ZNF280D: variants seen among roughly 807,000 people sequenced by gnomAD.
The protein encoded by ZNF280D is suppressor of hairy wing homolog 4.
In ZNF280D, 39 loss-of-function variants were observed where a neutral mutation model predicts 94.7. The ratio of observed to expected loss-of-function variants is 0.41; its 90% CI spans 0.32 to 0.54. ZNF280D has a LOEUF of 0.54. Ranked by LOEUF, ZNF280D falls within the 20% of genes least tolerant of loss-of-function variation. The pLI is 0.22. For missense variants in ZNF280D, 1,090 were observed against 1,149.3 expected (o/e 0.95, Z 0.75); for synonymous variants, 398 against 377.6 (o/e 1.05, Z -0.63).
At chr15:56,647,098 T>C (rs2140603806) in intron 19 of ZNF280D, among the ~76,000 whole-genome samples, 1 of 152,324 alleles carries the variant, frequency 6.6e-6, no homozygotes, top group East Asian at 1.9e-4. Flanking sequence ...CTAAGAACTT[T>C]AATGCTAATA....
In ZNF280D at chr15:56,704,181, C is replaced by A. The variant is rs1328761857; in HGVS notation, c.115G>T (p.Asp39Tyr). The A allele has an allele frequency of 6.2e-7, 1 of 1,613,850 alleles. No homozygotes were observed. The highest frequency in any genetic ancestry group is 1.7e-5 in the Admixed American group (1 of 59,980). ...ACAAAGATTGGCTCATCATCATCGT[C>A]ATCCTCAACTTCTTTTACTTTCTTC... Reference protein sequence around the residue: ...WQKKVKEVEDDDDDEPIFVGE... With the variant: ...WQKKVKEVEDYDDDEPIFVGE... Residue 39 changes from aspartate to tyrosine, a missense_variant, in exon 4 of 22, where the codon GAC becomes TAC. Around this residue, in one of 3 missense-constraint regions of ZNF280D, gnomAD observed 386 missense variants for 372.0 expected, o/e 1.04. Coordinates refer to ENST00000267807, the MANE Select transcript of ZNF280D (RefSeq NM_017661.4).
In ZNF280D at chr15:56,631,578, T is replaced by C; in HGVS notation, c.2860A>G (p.Thr954Ala). The C allele has an allele frequency of 6.2e-7, 1 of 1,614,124 alleles. No homozygotes were observed. The highest frequency in any genetic ancestry group is 8.5e-7 in the Non-Finnish European group (1 of 1,180,002). ...TTATTTCCTCCAGGAATGTCATCTG[T>C]TTGATCAGACACTACTTCATCAGTC... ...AKTDEVVSDQ[T>A]DDIPGGNNPS... is the part of the protein sequence containing the mutation. The change falls in exon 22 of 22, where the codon ACA becomes GCA. Residue 954 changes from threonine to alanine, a missense_variant. This residue lies in a region of ZNF280D where 577 missense variants were observed against 568.8 expected (regional missense o/e 1.01). Coordinates refer to ENST00000267807, the MANE Select transcript of ZNF280D (RefSeq NM_017661.4).
chr15:56,732,258 C>T (rs1270544063), intron 1 of ZNF280D, among the ~76,000 whole-genome samples: 2 of 152,138 alleles, frequency 1.3e-5, no homozygotes, highest in East Asian at 3.8e-4. Context: ...TTCCAGCAAC[C>T]CAGACCACTT....
At chr15:56,717,178 A>G (rs2058092428) in intron 1 of ZNF280D, among the ~76,000 whole-genome samples, 1 of 152,152 alleles carries the variant, frequency 6.6e-6, no homozygotes, top group African/African-American at 2.4e-5. Flanking sequence ...GTCTTAATCA[A>G]AAAGCACAAG....
At chr15:56,632,588 T>C (rs2140487723) in intron 21 of ZNF280D, among the ~76,000 whole-genome samples, 1 of 150,632 alleles carries the variant, frequency 6.6e-6, no homozygotes, top group African/African-American at 2.4e-5. Context: ...TTTGACCTCC[T>C]GGGCTCAAGT....
chr15:56,697,543 T>TA (rs1318554584), intron 6 of ZNF280D, among the ~76,000 whole-genome samples: 1 of 152,298 alleles, frequency 6.6e-6, no homozygotes, highest in East Asian at 1.9e-4. Flanking sequence ...TGATTGAAGA[T>TA]AGAGACTCAG....
intron 19 of ZNF280D, chr15:56,652,872 C>A: frequency 9.1e-6 from 9 of 984,184 alleles, no homozygotes; most frequent in Non-Finnish European, 1.1e-5. Flanking sequence ...TAGGCAGCTA[C>A]ACAAAATCTG....
At chr15:56,653,607 A>G (rs929510766) in intron 19 of ZNF280D, 26 of 1,479,416 alleles carry the variant, frequency 1.8e-5, no homozygotes, top group Admixed American at 2.4e-5. Context: ...CATCTGAAAA[A>G]TAAGAAAAAT....
intron 16 of ZNF280D, among the ~76,000 whole-genome samples, chr15:56,659,035 C>T (rs1310324173): frequency 6.6e-6 from 1 of 151,646 alleles, no homozygotes; most frequent in East Asian, 1.9e-4. Flanking sequence ...TTTTTTTCTT[C>T]TTAAGAGATG....
chr15:56,641,647 A>G (rs1203380709), intron 20 of ZNF280D, among the ~76,000 whole-genome samples: 2 of 151,816 alleles, frequency 1.3e-5, no homozygotes, highest in African/African-American at 2.4e-5. Context: ...AGAATGCAGC[A>G]TTTTCTTCTG....
intron 9 of ZNF280D, among the ~76,000 whole-genome samples, chr15:56,685,902 T>A (rs1387641891): frequency 1.3e-5 from 2 of 152,026 alleles, no homozygotes; most frequent in African/African-American, 2.4e-5. Context: ...AAGAAGAGAT[T>A]TTCATATAGG....
intron 6 of ZNF280D, among the ~76,000 whole-genome samples, chr15:56,696,155 G>A (rs970074506): frequency 3.3e-5 from 5 of 152,122 alleles, no homozygotes; most frequent in Non-Finnish European, 2.9e-5. Context: ...GCCTCAACAT[G>A]TAGTATTTTC....
chr15:56,712,883 G>A (rs1296474416), intron 1 of ZNF280D, among the ~76,000 whole-genome samples: 1 of 151,572 alleles, frequency 6.6e-6, no homozygotes. Flanking sequence ...TGGGATTATA[G>A]GTGCGCACCA....
chr15:56,634,707 C>G (rs371709527), intron 21 of ZNF280D, among the ~76,000 whole-genome samples: 1 of 152,074 alleles, frequency 6.6e-6, no homozygotes, highest in Admixed American at 6.5e-5. Flanking sequence ...GACTGTGAAA[C>G]ATCTTGTGTT....
At chr15:56,703,046 T>C (rs2057180468) in intron 4 of ZNF280D, among the ~76,000 whole-genome samples, 2 of 152,144 alleles carry the variant, frequency 1.3e-5, no homozygotes, top group South Asian at 4.1e-4. Flanking sequence ...GGATCTATTT[T>C]CTCTTTCTCC....
At chr15:56,696,369 C>CA (rs1375886274) in intron 6 of ZNF280D, among the ~76,000 whole-genome samples, 1 of 152,126 alleles carries the variant, frequency 6.6e-6, no homozygotes, top group Non-Finnish European at 1.5e-5. Flanking sequence ...GCAGCTATCA[C>CA]AACAATACTA....
intron 13 of ZNF280D, among the ~76,000 whole-genome samples, chr15:56,669,843 T>C (rs1255643486): frequency 7.5e-5 from 5 of 66,298 alleles, no homozygotes; most frequent in Non-Finnish European, 1.1e-4. Flanking sequence ...CTGCAATTTT[T>C]ACCCTCATTA....
intron 12 of ZNF280D, 97 bp from the exon 13 acceptor site, chr15:56,676,913 T>C (rs1358815961): frequency 1.1e-6 from 1 of 941,212 alleles, no homozygotes; most frequent in African/African-American, 1.7e-5. Context: ...GAGAACATTA[T>C]GTACTACTAA....
At chr15:56,655,898 T>C (rs961925260) in intron 17 of ZNF280D, among the ~76,000 whole-genome samples, 15 of 152,354 alleles carry the variant, frequency 9.8e-5, no homozygotes, top group Admixed American at 3.9e-4. Flanking sequence ...GTACAAATGA[T>C]GTTAAGTTGC....
Sources: gnomAD v4.1 joint callset for allele counts (sites outside exome capture counted in the v4.1 genomes callset) on GRCh38, gnomAD v4.1.1 for gene constraint, gnomAD v4.1.1 regional missense constraint, MANE v1.5 for transcripts, NCBI Gene and HGNC (gene_info 2026-07-23, HGNC 2026-07-21) for gene names.